The following PTPRD variants were observed in gnomAD, a reference collection of about 807,000 sequenced individuals.
PTPRD encodes protein tyrosine phosphatase receptor type D, also known as receptor-type tyrosine-protein phosphatase delta.
PTPRD carries 34 observed loss-of-function variants against 214.5 expected under a neutral mutation model. That is an observed-to-expected ratio of 0.16 (90% CI 0.12 to 0.21). PTPRD has a LOEUF of 0.21. PTPRD is among the 10% of genes least tolerant of loss of function. The probability of loss-of-function intolerance (pLI) is 1.00; values close to 1 mark genes in which losing one functional copy is unlikely to be tolerated. For missense variants in PTPRD, 2,545 were observed against 2,398.7 expected, an observed-to-expected ratio of 1.06 and a Z score of -1.27; for synonymous variants, 1,128 against 845.7, an observed-to-expected ratio of 1.33 and a Z score of -5.79.
At chr9:8,375,120 T>C (rs2134714206) in intron 39 of PTPRD, among the ~76,000 whole-genome samples, 1 of 152,038 alleles carries the variant, frequency 6.6e-6, no homozygotes, top group East Asian at 1.9e-4. Context: ...TAAAGAACTA[T>C]CATGAAATTA....
At chr9:8,680,564 G>C (rs1007815907) in intron 12 of PTPRD, among the ~76,000 whole-genome samples, 2 of 151,926 alleles carry the variant, frequency 1.3e-5, no homozygotes, top group African/African-American at 4.8e-5. Flanking sequence ...TCTCTACATT[G>C]AGTATATATA....
chr9:9,897,343 T>G (rs556565594), intron 5 of PTPRD, among the ~76,000 whole-genome samples: 5 of 152,146 alleles, frequency 3.3e-5, no homozygotes, highest in Admixed American at 2.6e-4. Context: ...AAAGACAGTA[T>G]TATGAACCTA....
chr9:8,408,405 A>G (rs1349225294), intron 35 of PTPRD, among the ~76,000 whole-genome samples: 1 of 152,098 alleles, frequency 6.6e-6, no homozygotes, highest in Non-Finnish European at 1.5e-5. Context: ...CCACCCAAAT[A>G]ATCTTCCATG....
chr9:8,615,255 G>A (rs182133390), intron 14 of PTPRD, among the ~76,000 whole-genome samples: 33 of 152,108 alleles, frequency 2.2e-4, no homozygotes, highest in Non-Finnish European at 2.4e-4. Flanking sequence ...GGGAGCCCAC[G>A]GCTCAGAGAA....
chr9:9,653,386 A>AAAAAAAAAT (rs2096422807), intron 7 of PTPRD, among the ~76,000 whole-genome samples: 2 of 133,794 alleles, frequency 1.5e-5, no homozygotes, highest in African/African-American at 2.8e-5. Context: ...AAAAAAAAAA[A>AAAAAAAAAT]GTGCCTCATT....
intron 3 of PTPRD, among the ~76,000 whole-genome samples, chr9:10,219,557 T>C (rs563858444): frequency 1.3e-5 from 2 of 151,878 alleles, no homozygotes; most frequent in Admixed American, 6.6e-5. Context: ...GGGTAAAAAG[T>C]TGGGGGGAAA....
intron 9 of PTPRD, among the ~76,000 whole-genome samples, chr9:9,310,920 GATAAATAAATAA>G (rs146963669): frequency 3.8e-4 from 52 of 138,542 alleles, no homozygotes; most frequent in South Asian, 3.1e-3. Context: ...CTGTGTCTCA[GATAAATAAATAA>G]ATAAATAAAT....
chr9:9,001,320 A>G (rs1266702851), intron 11 of PTPRD, among the ~76,000 whole-genome samples: 2 of 152,016 alleles, frequency 1.3e-5, no homozygotes, highest in Non-Finnish European at 2.9e-5. Context: ...TTTGTGAATT[A>G]AATATTACTT....
chr9:10,283,289 T>C (rs1014685745), intron 3 of PTPRD, among the ~76,000 whole-genome samples: 1 of 152,206 alleles, frequency 6.6e-6, no homozygotes, highest in Non-Finnish European at 1.5e-5. Context: ...CCATAAGAAA[T>C]ATGAATTCAG....
intron 3 of PTPRD, among the ~76,000 whole-genome samples, chr9:10,189,208 T>A (rs1302763666): frequency 6.6e-6 from 1 of 152,124 alleles, no homozygotes; most frequent in East Asian, 1.9e-4. Flanking sequence ...ACTGGTCCCA[T>A]CTAGGAAAGG....
At chr9:9,040,999 T>C (rs1370250034) in intron 10 of PTPRD, among the ~76,000 whole-genome samples, 1 of 152,176 alleles carries the variant, frequency 6.6e-6, no homozygotes, top group Non-Finnish European at 1.5e-5. Flanking sequence ...CTGAGTGCAC[T>C]TCTTGTCTTA....
At chr9:10,336,986 G>T (rs1012854062) in intron 3 of PTPRD, among the ~76,000 whole-genome samples, 2 of 151,512 alleles carry the variant, frequency 1.3e-5, no homozygotes, top group Admixed American at 1.3e-4. Flanking sequence ...CGTAGTCAAG[G>T]AGCCATCTGA....
Position 8,519,765 on chromosome 9 carries a change from CTT to C in PTPRD, c.962-1338_962-1337del, listed in dbSNP as rs568520626. ...TTTTAATTTGCCATTAAGATTCACT[CTT>C]ATGTTTTATTTGTTTATTTTTGAGG... is the stretch of plus-strand genomic sequence containing the variant. On this transcript the variant is annotated intron_variant, in intron 20 of 45. Transcript: ENST00000381196. 1.8e-4 allele frequency among the ~76,000 whole-genome samples: 27 copies of C among 152,226 alleles called. No homozygotes were observed. In the South Asian group the frequency reaches 4.1e-3, roughly 23 times the overall value.
At chr9:9,725,619 G>A (rs754594554) in intron 7 of PTPRD, among the ~76,000 whole-genome samples, 3 of 151,782 alleles carry the variant, frequency 2.0e-5, no homozygotes, top group Non-Finnish European at 4.4e-5. Context: ...TCATATTCTG[G>A]TTTCTTGAAT....
intron 9 of PTPRD, among the ~76,000 whole-genome samples, chr9:9,262,624 G>T (rs1399039897): frequency 4.0e-5 from 6 of 151,394 alleles, no homozygotes; most frequent in Non-Finnish European, 8.9e-5. Context: ...TATAGAAATG[G>T]ATGAATCCTT....
At chr9:10,374,913 T>G (rs1447470158) in intron 2 of PTPRD, among the ~76,000 whole-genome samples, 1 of 152,068 alleles carries the variant, frequency 6.6e-6, no homozygotes, top group African/African-American at 2.4e-5. Context: ...CTCAATAATT[T>G]GGAACTGCAG....
At chr9:9,178,409 T>C (rs1216632190) in intron 10 of PTPRD, among the ~76,000 whole-genome samples, 1 of 152,000 alleles carries the variant, frequency 6.6e-6, no homozygotes, top group African/African-American at 2.4e-5. Context: ...CAAAGGGTGA[T>C]GTGGTTTTAA....
intron 11 of PTPRD, among the ~76,000 whole-genome samples, chr9:8,745,283 G>C (rs1199762736): frequency 6.6e-6 from 1 of 152,144 alleles, no homozygotes; most frequent in African/African-American, 2.4e-5. Context: ...TCTATAGCAT[G>C]GTGTATCTAC....
intron 11 of PTPRD, among the ~76,000 whole-genome samples, chr9:8,911,199 A>G (rs2098744700): frequency 6.6e-6 from 1 of 152,224 alleles, no homozygotes; most frequent in African/African-American, 2.4e-5. Flanking sequence ...TTCATTATTG[A>G]TTTAAGAACT....
Sources: allele counts gnomAD v4.1 joint callset (sites outside exome capture counted in the v4.1 genomes callset), GRCh38; gene constraint gnomAD v4.1.1; transcripts MANE v1.5; gene names NCBI Gene and HGNC (gene_info 2026-07-23, HGNC 2026-07-21).